RFX3: variants seen among roughly 807,000 people sequenced by gnomAD.
RFX3 encodes regulatory factor X3.
Under a neutral mutation model 98.6 loss-of-function variants are expected in RFX3, and 14 were observed. The ratio of observed to expected loss-of-function variants is 0.14; its 90% confidence interval spans 0.09 to 0.22. The LOEUF is 0.22. Ranked by LOEUF, RFX3 falls within the 10% of genes least tolerant of loss-of-function variation. RFX3 has a pLI of 1.00. For synonymous variants in RFX3, 383 were observed against 328.4 expected (o/e 1.17, Z -1.80); for missense variants, 639 against 926.9 (o/e 0.69, Z 4.03).
At chr9:3,310,188 G>A (rs140460524) in intron 4 of RFX3, among the ~76,000 whole-genome samples, 3 of 152,266 alleles carry the variant, frequency 2.0e-5, no homozygotes, top group East Asian at 1.9e-4. Context: ...GCAGCAAAAT[G>A]GGAAGAGGTG....
intron 2 of RFX3, among the ~76,000 whole-genome samples, chr9:3,348,939 C>G (rs1193963034): frequency 6.6e-6 from 1 of 152,088 alleles, no homozygotes; most frequent in East Asian, 1.9e-4. Context: ...TCAGACATTT[C>G]TTCAAAAAAG....
At chr9:3,313,831 T>G (rs1830251833) in intron 4 of RFX3, among the ~76,000 whole-genome samples, 1 of 151,600 alleles carries the variant, frequency 6.6e-6, no homozygotes, top group Admixed American at 6.6e-5. Flanking sequence ...AAAAACAGAG[T>G]AAAAAGAAAC....
At chr9:3,349,252 T>G (rs544179768) in intron 2 of RFX3, among the ~76,000 whole-genome samples, 1 of 152,160 alleles carries the variant, frequency 6.6e-6, no homozygotes, top group African/African-American at 2.4e-5. Context: ...AATTTTATGG[T>G]TTCAAAATAA....
chr9:3,382,204 T>G (rs1839269189), intron 2 of RFX3, among the ~76,000 whole-genome samples: 1 of 152,200 alleles, frequency 6.6e-6, no homozygotes, highest in African/African-American at 2.4e-5. Flanking sequence ...GCCTGAGGCT[T>G]ACTTTTAAAA....
intron 12 of RFX3, among the ~76,000 whole-genome samples, chr9:3,263,585 T>C (rs1183989597): frequency 1.3e-5 from 2 of 152,200 alleles, no homozygotes; most frequent in African/African-American, 4.8e-5. Context: ...GATTTATTCT[T>C]ACTACCTTTA....
chr9:3,350,638 T>C (rs148366058), intron 2 of RFX3, among the ~76,000 whole-genome samples: 88 of 152,218 alleles, frequency 5.8e-4, no homozygotes, highest in African/African-American at 2.0e-3. Context: ...TTATTCATAA[T>C]TGCTAGAACT....
intron 1 of RFX3, among the ~76,000 whole-genome samples, chr9:3,517,511 A>G (rs1188246481): frequency 6.6e-6 from 1 of 152,130 alleles, no homozygotes; most frequent in African/African-American, 2.4e-5. Flanking sequence ...ATTTTTGCCT[A>G]AACAGGAATT....
At chr9:3,255,207 T>A (rs1821959291) in intron 14 of RFX3, among the ~76,000 whole-genome samples, 1 of 152,212 alleles carries the variant, frequency 6.6e-6, no homozygotes, top group African/African-American at 2.4e-5. Flanking sequence ...AAGTCACTTA[T>A]AATAAAACCA....
rs185794547 is a variant in RFX3 at position 3,295,916 on chromosome 9, A to T, written c.550-2658T>A. Among the ~76,000 whole-genome samples the T allele has an allele frequency of 1.6e-3, 244 of 152,180 alleles. 1 individual carries two copies. Among genetic ancestry groups the T allele is most frequent in the African/African-American group, 5.6e-3 (231 of 41,562 alleles). Reference sequence around the variant, plus strand: ...AATTTTAGTCTGATAAAAGCAAATTAAAAAAATTTTAATTAACCAGAAACA... The same window carrying T: ...AATTTTAGTCTGATAAAAGCAAATTTAAAAAATTTTAATTAACCAGAAACA... On this transcript the variant is annotated intron_variant, in intron 5 of 16. Coordinates refer to ENST00000617270, the MANE Select transcript of RFX3 (RefSeq NM_001282116.2).
At chr9:3,343,232 G>A (rs911171660) in intron 3 of RFX3, among the ~76,000 whole-genome samples, 18 of 152,138 alleles carry the variant, frequency 1.2e-4, no homozygotes, top group African/African-American at 4.3e-4. Context: ...GAGCATTAGC[G>A]AGCTTACTAA....
At chr9:3,323,770 C>T (rs1831572316) in intron 4 of RFX3, among the ~76,000 whole-genome samples, 1 of 152,114 alleles carries the variant, frequency 6.6e-6, no homozygotes, top group Non-Finnish European at 1.5e-5. Context: ...TGGCTATGCT[C>T]AGGAGAGAAT....
intron 1 of RFX3, among the ~76,000 whole-genome samples, chr9:3,420,388 G>C (rs540509972): frequency 6.6e-6 from 1 of 152,306 alleles, no homozygotes; most frequent in East Asian, 1.9e-4. Flanking sequence ...ACCAATTGCA[G>C]TCATAAATAT....
At chr9:3,456,351 C>T (rs1010015684) in intron 1 of RFX3, among the ~76,000 whole-genome samples, 2 of 152,122 alleles carry the variant, frequency 1.3e-5, no homozygotes, top group East Asian at 3.9e-4. Context: ...TTTGACAAAC[C>T]TATATGCAAA....
At chr9:3,460,242 T>C (rs112615593) in intron 1 of RFX3, among the ~76,000 whole-genome samples, 4,468 of 152,104 alleles carry the variant, frequency 0.029, 210 homozygotes, top group African/African-American at 0.1. Flanking sequence ...AACAGGTACT[T>C]AGAAAAGATA....
chr9:3,497,623 G>A (rs2133596605), intron 1 of RFX3, among the ~76,000 whole-genome samples: 1 of 151,936 alleles, frequency 6.6e-6, no homozygotes, highest in Admixed American at 6.6e-5. Flanking sequence ...AATGGGAAAT[G>A]CCACTGTGGA....
At chr9:3,273,864 C>CAA (rs34744889) in intron 9 of RFX3, among the ~76,000 whole-genome samples, 4,567 of 69,380 alleles carry the variant, frequency 0.066, 296 homozygotes, top group African/African-American at 0.18. Flanking sequence ...GACTCTGTCT[C>CAA]AAAAAAAAAA....
chr9:3,464,584 G>C (rs576807338), intron 1 of RFX3, among the ~76,000 whole-genome samples: 6 of 152,292 alleles, frequency 3.9e-5, no homozygotes, highest in African/African-American at 1.2e-4. Flanking sequence ...CTATAAAGTA[G>C]ATCTGCGGTT....
Position 3,256,494 on chromosome 9 carries a change from G to A in RFX3, c.1814+497C>T, listed in dbSNP as rs10970996. On this transcript the variant is annotated intron_variant, in intron 14 of 16. Transcript: ENST00000617270. ...TAAATTGCTGGGCCTTACCTCTACA[G>A]GTTCTGATACAGGTAGATTTGGAGG... Among the ~76,000 whole-genome samples the A allele has an allele frequency of 8.0e-3, 1,220 of 152,296 alleles. 16 individuals are homozygous for A. The highest frequency in any genetic ancestry group is 0.039 in the South Asian group (187 of 4,828).
intron 2 of RFX3, among the ~76,000 whole-genome samples, chr9:3,365,173 G>A (rs903031982): frequency 6.6e-6 from 1 of 151,554 alleles, no homozygotes; most frequent in Non-Finnish European, 1.5e-5. Flanking sequence ...GGTGTTGCAC[G>A]CCTGTAGTCC....
Sources: gnomAD v4.1 joint callset for allele counts (sites outside exome capture counted in the v4.1 genomes callset) on GRCh38, gnomAD v4.1.1 for gene constraint, MANE v1.5 for transcripts, NCBI Gene and HGNC (gene_info 2026-07-23, HGNC 2026-07-21) for gene names.